The following YIPF7 variants were observed in gnomAD, a reference collection of about 807,000 sequenced individuals.
The protein encoded by YIPF7 is protein YIPF7.
YIPF7 carries 35 observed loss-of-function variants against 27.2 expected under a neutral mutation model. The observed-to-expected ratio is 1.29, with a 90% CI of 0.98 to 1.70. YIPF7 has a LOEUF of 1.70. Ranked by LOEUF, YIPF7 falls within the 40% of genes most tolerant of loss-of-function variation. YIPF7 has a pLI of 0.00. For missense variants in YIPF7, 358 were observed against 303.7 expected, an observed-to-expected ratio of 1.18 and a Z score of -1.33; for synonymous variants, 137 against 110.4, an observed-to-expected ratio of 1.24 and a Z score of -1.51.
chr4:44,647,640 G>A (rs911735889), intron 2 of YIPF7, among the ~76,000 whole-genome samples: 1 of 152,012 alleles, frequency 6.6e-6, no homozygotes, highest in African/African-American at 2.4e-5. Context: ...ACTAGTGCTA[G>A]GCAGGATAGC....
chr4:44,636,303 T>C (rs1158053272), intron 2 of YIPF7, among the ~76,000 whole-genome samples: 5 of 152,184 alleles, frequency 3.3e-5, no homozygotes, highest in African/African-American at 1.2e-4. Flanking sequence ...TAAACATTAA[T>C]TGAGCATGGA....
chr4:44,636,862 C>A (rs911226855), intron 2 of YIPF7, among the ~76,000 whole-genome samples: 1 of 152,116 alleles, frequency 6.6e-6, no homozygotes, highest in East Asian at 1.9e-4. Context: ...ACCCAAATAA[C>A]ATTCATTATA....
intron 2 of YIPF7, among the ~76,000 whole-genome samples, chr4:44,636,590 T>C (rs1314067936): frequency 6.6e-6 from 1 of 152,110 alleles, no homozygotes; most frequent in Admixed American, 6.6e-5. Flanking sequence ...CAGGAAAAAA[T>C]ATAATTTTAA....
Position 44,649,980 on chromosome 4 carries a change from C to A in YIPF7, c.116+5G>T. On this transcript the variant is annotated splice_donor_5th_base_variant and intron_variant, in intron 2 of 5. Transcript: ENST00000415895. The stretch of plus-strand genomic sequence containing the variant: ...AAAAAAAAAAGAAAAATATTAAGTA[C>A]TTACTTTCTAGATCCATAAAGATTT... 5.8e-6 allele frequency: 8 copies of A among 1,385,012 alleles called. No homozygotes were observed. Among genetic ancestry groups the A allele is most frequent in the Non-Finnish European group, 7.9e-6 (8 of 1,012,066 alleles). The allele number at this position is 1,385,012 out of a possible 1,614,324, so 85.8% of individuals were successfully genotyped here.
upstream of YIPF7, among the ~76,000 whole-genome samples, chr4:44,653,511 A>G (rs1448712892): frequency 6.6e-6 from 1 of 152,142 alleles, no homozygotes; most frequent in African/African-American, 2.4e-5. Context: ...CAGTAGTATC[A>G]GTAAAAAGAA....
At chr4:44,637,589 T>A (rs1577737473) in intron 2 of YIPF7, among the ~76,000 whole-genome samples, 1 of 152,122 alleles carries the variant, frequency 6.6e-6, no homozygotes, top group Non-Finnish European at 1.5e-5. Context: ...TTTTTCTTTT[T>A]TAAAAAAATT....
chr4:44,650,082 A>G lies in YIPF7; in HGVS notation c.19T>C (p.Phe7Leu), dbSNP rs1433886303. MSNLAQFDSDFYQSNFT... is the reference protein window; with the variant it reads MSNLAQLDSDFYQSNFT... The stretch of plus-strand genomic sequence containing the variant: ...TTAGATTGGTAAAAATCAGAGTCAA[A>G]TTGTGCCAAGTTTGACATCCTGAAA... Residue 7 changes from phenylalanine (F) to leucine (L), a missense_variant, in exon 2 of 6, where the codon TTT becomes CTT. Phe to Leu is a conservative substitution (Grantham distance 22, BLOSUM62 0). Coordinates refer to ENST00000415895, the MANE Select transcript of YIPF7 (RefSeq NM_182592.3). The G allele has an allele frequency of 6.4e-6, 10 of 1,572,192 alleles. No individual in the cohort carries two copies. The highest frequency in any genetic ancestry group is 6.9e-6 in the Non-Finnish European group (8 of 1,156,700).
intron 5 of YIPF7, among the ~76,000 whole-genome samples, chr4:44,624,061 T>TC (rs1491401132): frequency 1.1e-4 from 14 of 133,106 alleles, no homozygotes; most frequent in African/African-American, 1.8e-4. Flanking sequence ...TCTCTCTCTC[T>TC]TTTTTTTTTT....
chr4:44,629,055 C>T (rs1577733339), intron 4 of YIPF7: 1 of 166,674 alleles, frequency 6.0e-6, no homozygotes. Context: ...CACAATAGAA[C>T]TCTCACAAAA....
intron 2 of YIPF7, among the ~76,000 whole-genome samples, chr4:44,641,390 T>C (rs1276481531): frequency 6.6e-6 from 1 of 152,206 alleles, no homozygotes; most frequent in Non-Finnish European, 1.5e-5. Flanking sequence ...CAATTCAACT[T>C]TGCCAAGCCA....
chr4:44,635,790 C>A, intron 3 of YIPF7, 132 bp downstream of exon 3: 1 of 1,108,456 alleles, frequency 9.0e-7, no homozygotes. Flanking sequence ...TTTGGTTCAG[C>A]AAACTCTTGT....
intron 2 of YIPF7, among the ~76,000 whole-genome samples, chr4:44,657,882 G>A (rs888375417): frequency 1.3e-5 from 2 of 152,092 alleles, no homozygotes; most frequent in Non-Finnish European, 2.9e-5. Flanking sequence ...TATAGTGAAA[G>A]GGAGTTGTGG....
At chr4:44,656,317 A>G (rs977296106), upstream of YIPF7, among the ~76,000 whole-genome samples, 1 of 152,034 alleles carries the variant, frequency 6.6e-6, no homozygotes, top group Admixed American at 6.6e-5. Flanking sequence ...ACATTCTTCC[A>G]CAAGTTATCT....
intron 2 of YIPF7, among the ~76,000 whole-genome samples, chr4:44,646,689 A>G (rs1006762618): frequency 7.2e-5 from 11 of 152,190 alleles, no homozygotes; most frequent in African/African-American, 2.4e-4. Context: ...GTTTTTAAAT[A>G]TAAATATCTT....
chr4:44,657,331 C>G (rs970844766), intron 2 of YIPF7, among the ~76,000 whole-genome samples: 1 of 152,180 alleles, frequency 6.6e-6, no homozygotes. Context: ...GGAAAACTTT[C>G]TGCCTTGCAG....
At chr4:44,660,108 T>C (rs1321227838) in intron 2 of YIPF7, among the ~76,000 whole-genome samples, 1 of 18,190 alleles carries the variant, frequency 5.5e-5, no homozygotes, top group Non-Finnish European at 1.6e-4. Context: ...AGCAAGACTC[T>C]GTCTCAAAAA....
At chr4:44,657,085 T>C (rs909249655) in intron 2 of YIPF7, among the ~76,000 whole-genome samples, 1 of 152,202 alleles carries the variant, frequency 6.6e-6, no homozygotes, top group Non-Finnish European at 1.5e-5. Flanking sequence ...TGTCAAAGTA[T>C]TCCAAGTTTA....
intron 2 of YIPF7, among the ~76,000 whole-genome samples, chr4:44,657,859 C>T (rs113928358): frequency 0.017 from 2,612 of 152,082 alleles, 76 homozygotes; most frequent in African/African-American, 0.056. Context: ...AAGGGAGGAC[C>T]GCTCTCAGGA....
chr4:44,640,500 TG>T (rs1713287778), intron 2 of YIPF7, among the ~76,000 whole-genome samples: 1 of 152,180 alleles, frequency 6.6e-6, no homozygotes, highest in African/African-American at 2.4e-5. Context: ...GTGGAATTCT[TG>T]GGTAAAGTGT....
Sources: allele counts gnomAD v4.1 joint callset (sites outside exome capture counted in the v4.1 genomes callset), GRCh38; gene constraint gnomAD v4.1.1; transcripts MANE v1.5; gene names NCBI Gene and HGNC (gene_info 2026-07-23, HGNC 2026-07-21).